SDK1: variants seen among roughly 807,000 people sequenced by gnomAD.
SDK1 encodes the protein sidekick cell adhesion molecule 1, also known as protein sidekick-1.
SDK1 carries 157 observed loss-of-function variants against 245.5 expected under a neutral mutation model. That is an observed-to-expected ratio of 0.64 (90% CI 0.56 to 0.73). The LOEUF (loss-of-function observed/expected upper bound fraction) is 0.73, where lower values mean the gene tolerates loss of function less well. Among genes scored for constraint, SDK1 ranks in the 30% least tolerant of loss-of-function variants. The pLI is 0.00. For synonymous variants in SDK1, 1,647 were observed against 1,278.5 expected (o/e 1.29, Z -6.15); for missense variants, 3,583 against 3,002.3 (o/e 1.19, Z -4.52).
chr7:4,220,874 G>C (rs1315216608), intron 39 of SDK1, among the ~76,000 whole-genome samples: 1 of 151,322 alleles, frequency 6.6e-6, no homozygotes, highest in African/African-American at 2.4e-5. Context: ...CCCGGCTGAA[G>C]CGATACCCCC....
intron 4 of SDK1, among the ~76,000 whole-genome samples, chr7:3,709,531 A>T (rs1784981063): frequency 6.6e-6 from 1 of 152,172 alleles, no homozygotes; most frequent in South Asian, 2.1e-4. Context: ...CTCATGGTGT[A>T]GGCTGCAGCC....
chr7:3,884,564 T>C (rs1781292447), intron 5 of SDK1, among the ~76,000 whole-genome samples: 1 of 152,208 alleles, frequency 6.6e-6, no homozygotes, highest in Non-Finnish European at 1.5e-5. Context: ...GTTAACTTTA[T>C]TATTATTTAC....
chr7:3,476,852 T>A (rs1781360812), intron 1 of SDK1, among the ~76,000 whole-genome samples: 1 of 152,114 alleles, frequency 6.6e-6, no homozygotes, highest in South Asian at 2.1e-4. Flanking sequence ...GTGGTATTCG[T>A]GACTATTAAG....
At chr7:3,648,495 G>T (rs796471925) in intron 4 of SDK1, among the ~76,000 whole-genome samples, 1 of 152,192 alleles carries the variant, frequency 6.6e-6, no homozygotes, top group Non-Finnish European at 1.5e-5. Flanking sequence ...TGAAGTATGG[G>T]CAGTAAACAG....
intron 1 of SDK1, among the ~76,000 whole-genome samples, chr7:3,585,030 A>G (rs1459126562): frequency 2.0e-5 from 3 of 151,942 alleles, no homozygotes; most frequent in Non-Finnish European, 4.4e-5. Flanking sequence ...AGCCAACTTC[A>G]CGTTTTGAGT....
chr7:4,195,332 CTTTGA>C (rs1196421557), intron 35 of SDK1, among the ~76,000 whole-genome samples: 1 of 152,174 alleles, frequency 6.6e-6, no homozygotes, highest in Non-Finnish European at 1.5e-5. Flanking sequence ...TTGCCCTGGC[CTTTGA>C]TTTGAGGCCG....
At chr7:4,016,753 C>T (rs1031494506) in intron 16 of SDK1, among the ~76,000 whole-genome samples, 3 of 152,158 alleles carry the variant, frequency 2.0e-5, no homozygotes, top group Non-Finnish European at 4.4e-5. Flanking sequence ...TCCCTGGACA[C>T]CACAAGGCCG....
intron 4 of SDK1, among the ~76,000 whole-genome samples, chr7:3,659,280 A>T (rs1459281843): frequency 1.3e-5 from 2 of 152,088 alleles, no homozygotes; most frequent in Non-Finnish European, 2.9e-5. Flanking sequence ...CGGTACTGGT[A>T]TGATATCACA....
rs772792585 is a variant in SDK1 at position 4,266,825 on chromosome 7, A to G, written c.*1441A>G. On this transcript the variant is annotated 3_prime_UTR_variant, in exon 45 of 45. Coordinates refer to ENST00000404826, the MANE Select transcript of SDK1 (RefSeq NM_152744.4). ...TCCCTGTAAGTGCCCCCTCACCAGC[A>G]GCAGCGTGACACACACAAGACTCAA... 133 of 985,442 alleles carry G rather than the reference A, an allele frequency of 1.3e-4. No individual in the cohort carries two copies. Among genetic ancestry groups the G allele is most frequent in the Non-Finnish European group, 1.5e-4 (123 of 830,048 alleles). 61.0% of individuals were successfully genotyped at this position (985,442 alleles called of 1,614,324 possible).
chr7:3,568,980 A>G (rs1324719072), intron 1 of SDK1, among the ~76,000 whole-genome samples: 1 of 147,878 alleles, frequency 6.8e-6, no homozygotes, highest in African/African-American at 2.5e-5. Context: ...TCTCTAATTT[A>G]TTGCCGAATA....
At chr7:3,986,633 G>T (rs1783853814) in intron 13 of SDK1, among the ~76,000 whole-genome samples, 1 of 152,170 alleles carries the variant, frequency 6.6e-6, no homozygotes, top group Non-Finnish European at 1.5e-5. Context: ...GGCCAAGGCG[G>T]GTGAATCACA....
intron 1 of SDK1, among the ~76,000 whole-genome samples, chr7:3,599,916 T>A (rs1781200635): frequency 6.6e-6 from 1 of 152,232 alleles, no homozygotes; most frequent in Admixed American, 6.5e-5. Context: ...ATATTCTACT[T>A]CCTTTTTTCA....
At chr7:4,147,752 G>A (rs1780075238) in intron 29 of SDK1, among the ~76,000 whole-genome samples, 1 of 152,160 alleles carries the variant, frequency 6.6e-6, no homozygotes, top group South Asian at 2.1e-4. Context: ...TGCCACCCTG[G>A]GTATCAGCAC....
intron 14 of SDK1, among the ~76,000 whole-genome samples, chr7:3,990,539 G>A (rs1324456614): frequency 6.6e-6 from 1 of 152,226 alleles, no homozygotes; most frequent in East Asian, 1.9e-4. Flanking sequence ...CGTAAAACAG[G>A]ACTTGACAGT....
intron 4 of SDK1, among the ~76,000 whole-genome samples, chr7:3,673,248 T>A (rs1044935013): frequency 6.6e-6 from 1 of 152,176 alleles, no homozygotes; most frequent in Non-Finnish European, 1.5e-5. Context: ...AAATCCAGAA[T>A]GAAGCATTGC....
At chr7:4,009,607 A>T (rs1313045333) in intron 14 of SDK1, among the ~76,000 whole-genome samples, 2 of 152,262 alleles carry the variant, frequency 1.3e-5, no homozygotes. Context: ...TGAAATGCCC[A>T]GCTGGTGGCG....
In SDK1 at chr7:4,110,688, A is replaced by C; in HGVS notation, c.3350A>C (p.Glu1117Ala). The change falls in exon 23 of 45, where the codon GAG becomes GCG. Residue 1117 changes from glutamate (E) to alanine (A), a missense_variant. By Grantham distance (107) the Glu-to-Ala change is moderately radical. Transcript: ENST00000404826. ...GTGGGAGCTATCGGCGACGAGGAGG[A>C]GTGGGTCACCCTCTATGAAGAGGAG... The part of the protein sequence containing the change: ...GQVGAIGDEE[E>A]WVTLYEEENE... The C allele has an allele frequency of 6.2e-7, 1 of 1,613,756 alleles. No homozygotes were observed. Among genetic ancestry groups the C allele is most frequent in the Non-Finnish European group, 8.5e-7 (1 of 1,179,814 alleles).
chr7:3,581,506 G>T (rs1780494323), intron 1 of SDK1, among the ~76,000 whole-genome samples: 1 of 152,210 alleles, frequency 6.6e-6, no homozygotes, highest in African/African-American at 2.4e-5. Context: ...ACAGATGTGG[G>T]CCAGGTTGTG....
At chr7:3,371,401 G>C (rs1051375364) in intron 1 of SDK1, among the ~76,000 whole-genome samples, 3 of 152,008 alleles carry the variant, frequency 2.0e-5, no homozygotes, top group Non-Finnish European at 4.4e-5. Flanking sequence ...GTCTCTCTCT[G>C]AAAATGGTTA....
Sources: gnomAD v4.1 joint callset for allele counts (sites outside exome capture counted in the v4.1 genomes callset) on GRCh38, gnomAD v4.1.1 for gene constraint, MANE v1.5 for transcripts, NCBI Gene and HGNC (gene_info 2026-07-23, HGNC 2026-07-21) for gene names.